ALDH1L1: variants seen among roughly 807,000 people sequenced by gnomAD.
ALDH1L1 encodes the protein aldehyde dehydrogenase 1 family member L1.
Under a neutral mutation model 101.1 loss-of-function variants are expected in ALDH1L1, and 68 were observed. The observed-to-expected ratio is 0.67, with a 90% CI of 0.55 to 0.82. ALDH1L1 has a LOEUF of 0.82. Among genes scored for constraint, ALDH1L1 ranks in the 40% least tolerant of loss-of-function variants. The pLI is 0.00. For missense variants in ALDH1L1, 1,087 were observed against 1,172.7 expected (o/e 0.93, Z 1.07); for synonymous variants, 486 against 470.8 (o/e 1.03, Z -0.42).
intron 1 of ALDH1L1, among the ~76,000 whole-genome samples, chr3:126,192,122 G>A (rs1200092203): frequency 1.3e-5 from 2 of 152,186 alleles, no homozygotes; most frequent in East Asian, 3.9e-4. Flanking sequence ...GGACAATCAA[G>A]TGTTAGAGTT....
intron 16 of ALDH1L1, 114 bp downstream of exon 16, chr3:126,124,250 T>C: frequency 2.1e-6 from 2 of 938,110 alleles, no homozygotes; most frequent in Middle Eastern, 2.5e-4. Flanking sequence ...GGCCCCCGCC[T>C]GGGCTCTCCC....
chr3:126,166,245 C>T lies in ALDH1L1; in HGVS notation c.-23-5243G>A, dbSNP rs937649078. Among the ~76,000 whole-genome samples, 3 of 152,314 alleles carry T rather than the reference C, an allele frequency of 2.0e-5. No individual in the cohort carries two copies. In the East Asian group the frequency reaches 5.8e-4, roughly 29 times the overall value. On this transcript the variant is annotated intron_variant, in intron 1 of 22. Coordinates refer to ENST00000393434, the MANE Select transcript of ALDH1L1 (RefSeq NM_012190.4). ...TCCGGGAAGTGGCCAGGGTTAAAGG[C>T]ATTGCTCACGTTCATGTCCCCTTCT...
At chr3:126,135,509 C>A (rs1354574937) in intron 12 of ALDH1L1, 26 bp downstream of exon 12, 1 of 1,596,790 alleles carries the variant, frequency 6.3e-7, no homozygotes. Context: ...GTGGCAGTGG[C>A]TGGCAGGTAC....
upstream of ALDH1L1, among the ~76,000 whole-genome samples, chr3:126,183,787 G>C (rs2081495387): frequency 6.6e-6 from 1 of 152,146 alleles, no homozygotes; most frequent in Non-Finnish European, 1.5e-5. Flanking sequence ...TCTACTCAAG[G>C]AGCTACACTT....
chr3:126,186,022 G>T (rs2081515529), upstream of ALDH1L1, among the ~76,000 whole-genome samples: 2 of 152,076 alleles, frequency 1.3e-5, no homozygotes, highest in South Asian at 4.2e-4. Flanking sequence ...GGGGTGCCAG[G>T]GGCCATGGGG....
chr3:126,123,446 C>T (rs575773788), intron 16 of ALDH1L1, among the ~76,000 whole-genome samples: 27 of 151,946 alleles, frequency 1.8e-4, no homozygotes, highest in Non-Finnish European at 2.5e-4. Context: ...TTAATAGAGA[C>T]GGGGTTTCAC....
At chr3:126,148,991 C>G (rs1008859464) in intron 8 of ALDH1L1, among the ~76,000 whole-genome samples, 1 of 152,184 alleles carries the variant, frequency 6.6e-6, no homozygotes, top group Non-Finnish European at 1.5e-5. Context: ...CCAATTAGAA[C>G]TGGTTTCAAC....
chr3:126,153,028 T>C (rs1196256607), intron 7 of ALDH1L1: 1 of 309,264 alleles, frequency 3.2e-6, no homozygotes, highest in Non-Finnish European at 6.3e-6. Context: ...TAAGTTACCA[T>C]GGCATCGCCG....
At chr3:126,120,884 GA>G (rs1389429941) in intron 16 of ALDH1L1, among the ~76,000 whole-genome samples, 1 of 151,924 alleles carries the variant, frequency 6.6e-6, no homozygotes, top group Non-Finnish European at 1.5e-5. Context: ...CTCCATTTTA[GA>G]AAACAAAATT....
At chr3:126,126,620 C>T (rs764441675) in intron 14 of ALDH1L1, among the ~76,000 whole-genome samples, 17 of 152,268 alleles carry the variant, frequency 1.1e-4, no homozygotes, top group East Asian at 1.9e-4. Flanking sequence ...GAGCACAGCA[C>T]GGGCTGCTGA....
chr3:126,178,715 A>G (rs564813293), intron 1 of ALDH1L1, among the ~76,000 whole-genome samples: 1 of 152,126 alleles, frequency 6.6e-6, no homozygotes, highest in Admixed American at 6.5e-5. Flanking sequence ...CCAACAAGTA[A>G]CAAACCACGA....
At chr3:126,191,588 G>A (rs905763334) in intron 1 of ALDH1L1, among the ~76,000 whole-genome samples, 3 of 152,184 alleles carry the variant, frequency 2.0e-5, no homozygotes, top group Non-Finnish European at 2.9e-5. Flanking sequence ...TCATACAATG[G>A]TGAGATGGTT....
Position 126,135,568 on chromosome 3 carries a change from A to C in ALDH1L1, c.1439T>G (p.Ile480Ser). 6.2e-7 allele frequency: 1 copy of C among 1,603,880 alleles called. No homozygotes were observed. Among genetic ancestry groups the C allele is most frequent in the Non-Finnish European group, 8.5e-7 (1 of 1,175,694 alleles). ...CAGCCGGCCCCGGTCCCGCGCACTG[A>C]TCTTCCCCCACCGTCCATTCTCAAA... ...DAFENGRWGK[I>S]SARDRGRLMY... is the part of the protein sequence containing the mutation. Residue 480 changes from isoleucine (I) to serine (S), a missense_variant, in exon 12 of 23, where the codon ATC (isoleucine) becomes AGC (serine). Ile to Ser is a moderately radical substitution (Grantham distance 142, BLOSUM62 -2). Transcript: ENST00000393434.
rs1482970115 is a variant in ALDH1L1, at chr3:126,114,650, G to A, written c.1989C>T (p.Ala663=). The A allele has an allele frequency of 6.6e-7, 1 of 1,524,862 alleles. No homozygotes were observed. The highest frequency in any genetic ancestry group is 1.3e-5 in the South Asian group (1 of 76,542). The allele number at this position is 1,524,862 out of a possible 1,614,324, so 94.5% of individuals were successfully genotyped here. A position where few individuals can be genotyped will look rare whatever the true frequency, so the allele number is the denominator to read the frequency against. ...EVGKHIMKSC[A]ISNVKKVSLE... Reference sequence around the variant, plus strand: ...GGGACACCTTCTTCACGTTACTTATGGCACAGCTGCAAGGAACAGAGGGCT... The same window carrying A: ...GGGACACCTTCTTCACGTTACTTATAGCACAGCTGCAAGGAACAGAGGGCT... The change falls in exon 18 of 23, where the codon GCC becomes GCT. Residue 663 remains alanine, a synonymous_variant. Coordinates refer to ENST00000393434, the MANE Select transcript of ALDH1L1 (RefSeq NM_012190.4).
chr3:126,150,406 C>T lies in ALDH1L1; in HGVS notation c.984G>A (p.Arg328=), dbSNP rs139192974. 5 of 1,550,814 alleles carry T rather than the reference C, an allele frequency of 3.2e-6. No individual in the cohort carries two copies. The African/African-American group carries it at 6.8e-5, about 21-fold the overall frequency. ...TGGCAGCCCTGAAGTTGCCTCTTAC[C>T]CGCACAGCCTCCGCAGTAACCAGCT... The part of the protein sequence containing the change: ...EAELVTAEAV[R]SVWQRILPKV... The change falls in exon 8 of 23, where the codon CGG becomes CGA. Residue 328 remains arginine, a splice_region_variant and synonymous_variant. Coordinates refer to ENST00000393434, the MANE Select transcript of ALDH1L1 (RefSeq NM_012190.4).
chr3:126,195,305 C>T (rs977844533), intron 1 of ALDH1L1, among the ~76,000 whole-genome samples: 1 of 152,120 alleles, frequency 6.6e-6, no homozygotes, highest in East Asian at 1.9e-4. Flanking sequence ...GTTATATAAA[C>T]TAAGACATTA....
At chr3:126,106,825 G>A (rs897474581) in intron 21 of ALDH1L1, among the ~76,000 whole-genome samples, 1 of 152,204 alleles carries the variant, frequency 6.6e-6, no homozygotes, top group African/African-American at 2.4e-5. Flanking sequence ...TGTGGGGGGT[G>A]GTTTAATGCA....
intron 9 of ALDH1L1, 121 bp downstream of exon 9, chr3:126,146,714 G>A: frequency 9.5e-7 from 1 of 1,049,062 alleles, no homozygotes; most frequent in Non-Finnish European, 1.4e-6. Flanking sequence ...GCCCTTCCTG[G>A]GTCCCTGGCC....
At chr3:126,104,014 CTGGCAG>C (rs1265904366) in intron 22 of ALDH1L1, 168 bp from the exon 23 acceptor site, 2 of 701,024 alleles carry the variant, frequency 2.9e-6, no homozygotes, top group Non-Finnish European at 4.8e-6. Context: ...CAGGTTATCC[CTGGCAG>C]TGGATAGTGG....
Sources: gnomAD v4.1 joint callset for allele counts (sites outside exome capture counted in the v4.1 genomes callset) on GRCh38, gnomAD v4.1.1 for gene constraint, MANE v1.5 for transcripts, NCBI Gene and HGNC (gene_info 2026-07-23, HGNC 2026-07-21) for gene names.